Variants in MYO10 observed in about 807,000 individuals in gnomAD.
MYO10 encodes myosin X, also known as unconventional myosin-X.
In MYO10, 133 loss-of-function variants were observed where a neutral mutation model predicts 257.3. The observed-to-expected ratio is 0.52, with a 90% confidence interval of 0.45 to 0.60. MYO10 has a LOEUF of 0.60. MYO10 is among the 20% of genes least tolerant of loss of function. The probability of loss-of-function intolerance (pLI) is 0.00; values close to 1 mark genes in which losing one functional copy is unlikely to be tolerated. For synonymous variants in MYO10, 1,104 were observed against 1,028.6 expected (o/e 1.07, Z -1.40); for missense variants, 2,399 against 2,635.7 (o/e 0.91, Z 1.97).
intron 39 of MYO10, 149 bp downstream of exon 39, chr5:16,670,377 G>T: frequency 1.6e-6 from 1 of 619,360 alleles, no homozygotes; most frequent in Non-Finnish European, 2.8e-6. Context: ...GAAGGGAGGC[G>T]TTAATGGTAC....
chr5:16,928,250 G>A (rs1730984913), intron 1 of MYO10, among the ~76,000 whole-genome samples: 1 of 151,988 alleles, frequency 6.6e-6, no homozygotes. Context: ...CTGTCACCCA[G>A]GCTGGAGTGC....
intron 1 of MYO10, among the ~76,000 whole-genome samples, chr5:16,884,357 C>T (rs138010067): frequency 6.6e-6 from 1 of 152,020 alleles, no homozygotes; most frequent in African/African-American, 2.4e-5. Context: ...ATTGCACCAC[C>T]TCACTCCAGC....
intron 19 of MYO10, among the ~76,000 whole-genome samples, chr5:16,731,835 T>C (rs573519660): frequency 2.4e-3 from 363 of 152,332 alleles, no homozygotes; most frequent in Non-Finnish European, 4.4e-3. Context: ...GGGAGTGTTG[T>C]CACGTGCTGT....
chr5:16,877,768 C>T, intron 1 of MYO10, 61 bp from the exon 2 acceptor site: 1 of 1,312,482 alleles, frequency 7.6e-7, no homozygotes, highest in East Asian at 2.4e-5. Flanking sequence ...CGAAACTGTA[C>T]TGTCGAAATT....
chr5:16,675,217 A>C, intron 34 of MYO10, 67 bp from the exon 35 acceptor site: 1 of 1,529,744 alleles, frequency 6.5e-7, no homozygotes. Flanking sequence ...GCATAATCGG[A>C]GCAGTAGTCA....
intron 2 of MYO10, among the ~76,000 whole-genome samples, chr5:16,833,592 T>C (rs1415919598): frequency 1.3e-5 from 2 of 152,152 alleles, no homozygotes. Context: ...AGATTTTGGT[T>C]TCTTTGGCTG....
chr5:16,675,884 C>G, intron 34 of MYO10, 147 bp downstream of exon 34: 2 of 984,642 alleles, frequency 2.0e-6, no homozygotes, highest in Non-Finnish European at 2.9e-6. Flanking sequence ...AATAATGAAT[C>G]TAAGTATATT....
At chr5:16,906,804 G>A (rs4702182) in intron 1 of MYO10, among the ~76,000 whole-genome samples, 65,032 of 151,924 alleles carry the variant, frequency 0.43, 14,424 homozygotes, top group East Asian at 0.56. Flanking sequence ...CCCCTTGGCT[G>A]ATGTGGAGAA....
At chr5:16,789,469 G>T (rs1467071414) in intron 4 of MYO10, among the ~76,000 whole-genome samples, 1 of 152,148 alleles carries the variant, frequency 6.6e-6, no homozygotes, top group Non-Finnish European at 1.5e-5. Context: ...AAGCCCTTTT[G>T]TTTGGAAGCT....
At position 16,854,532 on chromosome 5, in the gene MYO10, C is replaced by T. The variant is rs76886326; in HGVS notation, c.120+23077G>A. 1.3e-3 allele frequency among the ~76,000 whole-genome samples: 199 copies of T among 152,208 alleles called. 2 individuals are homozygous for T. In the East Asian group the frequency reaches 0.025, roughly 19 times the overall value. ...AGAGACAGAAAGCAGCTGCCCAAGG[C>T]TGGGGGAGGAGTGAGGGTGGAGGGA... On this transcript the variant is annotated intron_variant, in intron 2 of 40. Coordinates refer to ENST00000513610, the MANE Select transcript of MYO10 (RefSeq NM_012334.3).
chr5:16,856,504 C>T (rs60453423), intron 2 of MYO10, among the ~76,000 whole-genome samples: 3 of 151,504 alleles, frequency 2.0e-5, no homozygotes, highest in East Asian at 1.9e-4. Context: ...GAGCCGAGAT[C>T]GCACCACTGC....
intron 1 of MYO10, among the ~76,000 whole-genome samples, chr5:16,892,835 C>T (rs910459396): frequency 3.9e-5 from 6 of 152,256 alleles, no homozygotes; most frequent in African/African-American, 1.4e-4. Context: ...GTTCAACCAA[C>T]GCACCACAGT....
chr5:16,931,093 G>T (rs767322976), intron 1 of MYO10, among the ~76,000 whole-genome samples: 9 of 152,220 alleles, frequency 5.9e-5, no homozygotes, highest in Non-Finnish European at 1.2e-4. Flanking sequence ...CCAACATGGA[G>T]AAACCCCATC....
chr5:16,890,296 G>A (rs1745014303), intron 1 of MYO10, among the ~76,000 whole-genome samples: 1 of 151,864 alleles, frequency 6.6e-6, no homozygotes, highest in African/African-American at 2.4e-5. Flanking sequence ...AATGTGAAAT[G>A]ATGCAGCTGC....
chr5:16,926,704 CA>C (rs34123697), intron 1 of MYO10, among the ~76,000 whole-genome samples: 11,383 of 134,550 alleles, frequency 0.085, 498 homozygotes, highest in East Asian at 0.16. Flanking sequence ...TCTGTCCCAG[CA>C]AAAAAAAAAA....
chr5:16,713,153 A>C (rs1185160015), intron 19 of MYO10, among the ~76,000 whole-genome samples: 1 of 152,240 alleles, frequency 6.6e-6, no homozygotes, highest in Non-Finnish European at 1.5e-5. Flanking sequence ...TGATGCGCAA[A>C]GACTTTCATC....
At position 16,670,856 on chromosome 5, in the gene MYO10, G is replaced by C. The variant is rs749163647; in HGVS notation, c.5553C>G (p.Leu1851=). The C allele has an allele frequency of 1.9e-6, 3 of 1,613,928 alleles. No individual in the cohort carries two copies. Among genetic ancestry groups the C allele is most frequent in the Admixed American group, 1.7e-5 (1 of 60,018 alleles). The change falls in exon 39 of 41, where the codon CTC becomes CTG. Residue 1851 remains leucine (L), a synonymous_variant. Transcript: ENST00000513610. The stretch of plus-strand genomic sequence containing the variant: ...GTCTCTGCAGGGAATAAACCTCTTC[G>C]AGAGGTGGGATGGCAGCGTGCAGAG... ...DYTLHAAIPP[L]EEVYSLQRLK...
rs1430390759 is a variant in MYO10 at position 16,794,707 on chromosome 5, T to C, written c.406A>G (p.Ile136Val). 1.9e-6 allele frequency: 3 copies of C among 1,613,648 alleles called. No homozygotes were observed. Among genetic ancestry groups the C allele is most frequent in the South Asian group, 1.1e-5 (1 of 91,010 alleles). The change falls in exon 4 of 41, where the codon ATC (isoleucine) becomes GTC (valine). Residue 136 changes from isoleucine to valine, a missense_variant. Around this residue, in one of 3 missense-constraint regions of MYO10, gnomAD observed 242 missense variants for 249.5 expected, o/e 0.97. Transcript: ENST00000513610. ...AGGCAGCGGTAGCACTCGTTGGCGA[T>C]GGCGAAGATGTGCGGGGGCAGCTCG... ...LGELPPHIFAIANECYRCLWK... is the reference protein window; with the variant it reads ...LGELPPHIFAVANECYRCLWK...
chr5:16,898,944 G>T, intron 1 of MYO10, among the ~76,000 whole-genome samples: 1 of 135,642 alleles, frequency 7.4e-6, no homozygotes, highest in Non-Finnish European at 1.6e-5. Flanking sequence ...CTGGCCACCT[G>T]GCCAACATGG....
Sources: gnomAD v4.1 joint callset for allele counts (sites outside exome capture counted in the v4.1 genomes callset) on GRCh38, gnomAD v4.1.1 for gene constraint, gnomAD v4.1.1 regional missense constraint, MANE v1.5 for transcripts, NCBI Gene and HGNC (gene_info 2026-07-23, HGNC 2026-07-21) for gene names.